The following KAZN variants were observed in gnomAD, a reference collection of about 807,000 sequenced individuals.
KAZN encodes the protein kazrin.
A neutral mutation model predicts 87.4 loss-of-function variants in KAZN; 40 were observed. The observed-to-expected ratio is 0.46, with a 90% CI of 0.36 to 0.60. The LOEUF (loss-of-function observed/expected upper bound fraction) is 0.60. Among genes scored for constraint, KAZN ranks in the 20% least tolerant of loss-of-function variants. KAZN has a pLI of 0.00. For synonymous variants in KAZN, 466 were observed against 458.3 expected, an observed-to-expected ratio of 1.02 and a Z score of -0.22; for missense variants, 898 against 1,073.9, an observed-to-expected ratio of 0.84 and a Z score of 2.29.
chr1:14,755,827 G>C (rs1392258790), intron 1 of KAZN, among the ~76,000 whole-genome samples: 1 of 152,178 alleles, frequency 6.6e-6, no homozygotes, highest in Non-Finnish European at 1.5e-5. Flanking sequence ...ACATTCCGGG[G>C]AATTCACCCA....
At chr1:14,676,775 G>C (rs1384149298) in intron 1 of KAZN, among the ~76,000 whole-genome samples, 2 of 152,118 alleles carry the variant, frequency 1.3e-5, no homozygotes, top group African/African-American at 2.4e-5. Flanking sequence ...AAAGCAGATT[G>C]GTGGGTGCCA....
chr1:14,068,652 G>A (rs1357194985), intron 1 of KAZN, among the ~76,000 whole-genome samples: 1 of 152,168 alleles, frequency 6.6e-6, no homozygotes, highest in Non-Finnish European at 1.5e-5. Flanking sequence ...AGAAATTTGG[G>A]CCCTTCAGGG....
intron 1 of KAZN, among the ~76,000 whole-genome samples, chr1:14,764,386 A>ACCCC (rs55743205): frequency 6.0e-5 from 7 of 117,430 alleles, no homozygotes; most frequent in Non-Finnish European, 8.8e-5. Context: ...CCTCCCCCAC[A>ACCCC]CCCCCCCCAC....
intron 1 of KAZN, among the ~76,000 whole-genome samples, chr1:14,655,604 G>T (rs1218766145): frequency 6.6e-6 from 1 of 152,198 alleles, no homozygotes; most frequent in Non-Finnish European, 1.5e-5. Context: ...TTATAAGCAG[G>T]CTTAGCTGCT....
rs540363611 is a variant in KAZN at position 14,319,558 on chromosome 1, G to A, written c.249+138966G>A. Reference sequence around the variant, plus strand: ...TTTCTGTAGAGCCCCGTTCTCTCCCGAACTCAACCCTCAGATTCTCTGAAC... The same window carrying A: ...TTTCTGTAGAGCCCCGTTCTCTCCCAAACTCAACCCTCAGATTCTCTGAAC... On this transcript the variant is annotated intron_variant, in intron 2 of 16. Coordinates refer to the KAZN transcript ENST00000636203. 3.3e-5 allele frequency among the ~76,000 whole-genome samples: 5 copies of A among 152,258 alleles called. No individual in the cohort carries two copies. In the East Asian group the frequency reaches 7.7e-4, roughly 24 times the overall value.
chr1:14,041,682 G>C (rs1641844225), intron 1 of KAZN, among the ~76,000 whole-genome samples: 1 of 152,102 alleles, frequency 6.6e-6, no homozygotes, highest in Non-Finnish European at 1.5e-5. Context: ...TCCTGTGCTA[G>C]ATTCCCTATT....
At position 14,267,851 on chromosome 1, in the gene KAZN, T is replaced by A. The variant is rs147491540; in HGVS notation, c.249+87259T>A. ...GGTGCACACCTGTAATCCCAACTAC[T>A]TGGGACGCTGAGGCAGGAGAATCAC... On this transcript the variant is annotated intron_variant, in intron 2 of 16. Transcript: ENST00000636203. Among the ~76,000 whole-genome samples, 888 of 152,162 alleles carry A rather than the reference T, an allele frequency of 5.8e-3. 4 individuals are homozygous for A. The highest frequency in any genetic ancestry group is 8.4e-3 in the Non-Finnish European group (570 of 67,994).
At chr1:13,968,049 C>T (rs555767903) in intron 1 of KAZN, among the ~76,000 whole-genome samples, 188 of 152,306 alleles carry the variant, frequency 1.2e-3, no homozygotes, top group Non-Finnish European at 2.1e-3. Flanking sequence ...CACCCCAGGG[C>T]GGTCATTTCT....
chr1:14,227,753 C>A (rs954648751), intron 2 of KAZN, among the ~76,000 whole-genome samples: 1 of 152,182 alleles, frequency 6.6e-6, no homozygotes, highest in Non-Finnish European at 1.5e-5. Context: ...TGGCTCTCAG[C>A]AAATTTCCAA....
chr1:14,755,457 C>A (rs1644535757), intron 1 of KAZN, among the ~76,000 whole-genome samples: 1 of 152,060 alleles, frequency 6.6e-6, no homozygotes. Flanking sequence ...TAAAAGTCAA[C>A]CTATATGTCG....
intron 1 of KAZN, among the ~76,000 whole-genome samples, chr1:14,096,563 A>G (rs985599730): frequency 6.6e-6 from 1 of 152,260 alleles, no homozygotes; most frequent in South Asian, 2.1e-4. Flanking sequence ...TGGTGACAAT[A>G]TCTCAAGTGA....
At chr1:14,467,005 T>C (rs1388106182) in intron 2 of KAZN, among the ~76,000 whole-genome samples, 1 of 152,108 alleles carries the variant, frequency 6.6e-6, no homozygotes, top group South Asian at 2.1e-4. Flanking sequence ...CCGAAGAAAC[T>C]ATTGATTCAC....
At chr1:14,114,422 G>A (rs1249505166) in intron 1 of KAZN, among the ~76,000 whole-genome samples, 2 of 152,016 alleles carry the variant, frequency 1.3e-5, no homozygotes, top group East Asian at 1.9e-4. Flanking sequence ...TGGTTTAGGT[G>A]TTTGAAACCA....
intron 1 of KAZN, among the ~76,000 whole-genome samples, chr1:14,124,516 T>G (rs1326193425): frequency 2.0e-5 from 3 of 152,228 alleles, no homozygotes; most frequent in African/African-American, 7.2e-5. Flanking sequence ...TAATGTCACA[T>G]CAGTTATCAC....
chr1:14,926,779 C>T (rs1303052046), intron 1 of KAZN, among the ~76,000 whole-genome samples: 1 of 152,198 alleles, frequency 6.6e-6, no homozygotes, highest in Non-Finnish European at 1.5e-5. Flanking sequence ...TGTGCGGTGG[C>T]TCTTCCTCGA....
At chr1:14,144,778 A>G (rs1007639814) in intron 1 of KAZN, among the ~76,000 whole-genome samples, 6 of 152,220 alleles carry the variant, frequency 3.9e-5, no homozygotes, top group African/African-American at 1.2e-4. Flanking sequence ...CAGAGATCAC[A>G]TGGCACGAAA....
intron 2 of KAZN, among the ~76,000 whole-genome samples, chr1:14,195,361 T>C (rs17398014): frequency 0.037 from 5,661 of 152,212 alleles, 150 homozygotes; most frequent in Middle Eastern, 0.058. Context: ...GCGTTGCTGA[T>C]AGCTTTTTCT....
intron 2 of KAZN, among the ~76,000 whole-genome samples, chr1:14,278,190 A>C (rs1230031229): frequency 6.6e-6 from 1 of 151,364 alleles, no homozygotes; most frequent in African/African-American, 2.4e-5. Flanking sequence ...AAAAAAAAAA[A>C]CAGAGATGCC....
intron 1 of KAZN, among the ~76,000 whole-genome samples, chr1:14,862,684 A>G (rs898131127): frequency 1.3e-5 from 2 of 152,194 alleles, no homozygotes; most frequent in African/African-American, 4.8e-5. Flanking sequence ...GTTTCGAATC[A>G]GTATAAACCC....
Sources: allele counts gnomAD v4.1 joint callset (sites outside exome capture counted in the v4.1 genomes callset), GRCh38; gene constraint gnomAD v4.1.1; transcripts MANE v1.5; gene names NCBI Gene and HGNC (gene_info 2026-07-23, HGNC 2026-07-21).